Variants in SMARCA2 observed in about 807,000 individuals in gnomAD.
The protein encoded by SMARCA2 is SWI/SNF-related matrix-associated actin-dependent regulator of chromatin subfamily A member 2.
SMARCA2 carries 61 observed loss-of-function variants against 199.8 expected under a neutral mutation model. The observed-to-expected ratio is 0.31, with a 90% CI of 0.25 to 0.38. The LOEUF is 0.38. SMARCA2 is among the 10% of genes least tolerant of loss of function. The pLI is 1.00. For synonymous variants in SMARCA2, 935 were observed against 732.0 expected (o/e 1.28, Z -4.48); for missense variants, 1,344 against 2,012.2 (o/e 0.67, Z 6.35).
intron 10 of SMARCA2, 70 bp downstream of exon 10, chr9:2,070,541 C>A: frequency 9.3e-7 from 1 of 1,072,660 alleles, no homozygotes; most frequent in Non-Finnish European, 1.4e-6. Flanking sequence ...CAGCACCATT[C>A]TTCATGCATA....
chr9:2,068,038 A>C (rs1036337169), intron 9 of SMARCA2, among the ~76,000 whole-genome samples: 6 of 152,168 alleles, frequency 3.9e-5, no homozygotes, highest in Non-Finnish European at 5.9e-5. Flanking sequence ...TTGTTGGCCA[A>C]ATTTGTAGCT....
At chr9:2,175,364 A>G (rs16937844) in intron 29 of SMARCA2, among the ~76,000 whole-genome samples, 11,853 of 149,882 alleles carry the variant, frequency 0.079, 540 homozygotes, top group East Asian at 0.15. Context: ...TCCTGTTTCA[A>G]GCACCTTTGC....
chr9:2,030,300 T>C (rs10114878), intron 2 of SMARCA2, among the ~76,000 whole-genome samples: 46,391 of 151,962 alleles, frequency 0.31, 8,339 homozygotes, highest in African/African-American at 0.49. Context: ...GCAGAACCTG[T>C]GGTATAGTTC....
At chr9:2,052,491 AAAC>A (rs1380260666) in intron 5 of SMARCA2, among the ~76,000 whole-genome samples, 1 of 152,238 alleles carries the variant, frequency 6.6e-6, no homozygotes, top group African/African-American at 2.4e-5. Flanking sequence ...AACAAAGAAA[AAAC>A]AATAACGACA....
chr9:2,104,093 C>T lies in SMARCA2; in HGVS notation c.3216C>T (p.Phe1072=), dbSNP rs770440833. The T allele has an allele frequency of 6.2e-7, 1 of 1,614,116 alleles. No individual in the cohort carries two copies. Among genetic ancestry groups the T allele is most frequent in the South Asian group, 1.1e-5 (1 of 91,074 alleles). The change falls in exon 23 of 34, where the codon TTC becomes TTT. Residue 1072 remains phenylalanine, a synonymous_variant. Transcript: ENST00000349721. This position sits in a 1 kb window ranked among gnomAD's most constrained non-coding sequence, Gnocchi z 4.0. The part of the protein sequence containing the change: ...LRATNHRVLL[F]CQMTSLMTIM... ...CGACTAATCACCGAGTGCTGCTTTT[C>T]TGCCAGATGACATCTCTCATGACCA...
chr9:2,180,177 C>G (rs916096728), intron 29 of SMARCA2, among the ~76,000 whole-genome samples: 13 of 152,074 alleles, frequency 8.5e-5, no homozygotes, highest in African/African-American at 3.1e-4. Flanking sequence ...AAAATGCAGT[C>G]TTCTTAAACC....
In SMARCA2 at chr9:2,017,043, G is replaced by C. The variant is rs1818383182; in HGVS notation, c.-37+1639G>C. ...GCGGAGGGCGGGGCGCGGCAGTGCG[G>C]GCTCCGGCGGACACCCGCGCCTTGG... On this transcript the variant is annotated intron_variant, in intron 1 of 33. Transcript: ENST00000349721. This position sits in a 1 kb window ranked among gnomAD's most constrained non-coding sequence, Gnocchi z 8.8. 6.6e-6 allele frequency: 1 copy of C among 152,222 alleles called. No individual in the cohort carries two copies. The highest frequency in any genetic ancestry group is 2.4e-5 in the African/African-American group (1 of 41,434). 9.4% of individuals were successfully genotyped at this position (152,222 alleles called of 1,614,324 possible). A position where few individuals can be genotyped will look rare whatever the true frequency, so the allele number is the denominator to read the frequency against.
At chr9:2,094,631 T>G (rs529872958) in intron 19 of SMARCA2, among the ~76,000 whole-genome samples, 21 of 152,332 alleles carry the variant, frequency 1.4e-4, no homozygotes, top group African/African-American at 4.8e-4. Context: ...GGATTCTATT[T>G]CAAATCCTAA....
intron 14 of SMARCA2, among the ~76,000 whole-genome samples, chr9:2,081,609 C>G (rs1475311428): frequency 6.6e-6 from 1 of 152,162 alleles, no homozygotes; most frequent in Non-Finnish European, 1.5e-5. Flanking sequence ...TGCTTTAAAA[C>G]TCACCTGTCA....
In SMARCA2 at chr9:2,155,514, C is replaced by T. The variant is rs192733393; in HGVS notation, c.3982-6172C>T. 2.4e-4 allele frequency among the ~76,000 whole-genome samples: 37 copies of T among 152,226 alleles called. No individual in the cohort carries two copies. In the East Asian group the frequency reaches 4.8e-3, roughly 20 times the overall value. Reference sequence around the variant, plus strand: ...GCCAGGCTGGTCTCGAACTCCTGACCTTGTGATCCACCCGCCTTGGCCTCC... The same window carrying T: ...GCCAGGCTGGTCTCGAACTCCTGACTTTGTGATCCACCCGCCTTGGCCTCC... On this transcript the variant is annotated intron_variant, in intron 27 of 33. Coordinates refer to ENST00000349721, the MANE Select transcript of SMARCA2 (RefSeq NM_003070.5).
At position 2,159,728 on chromosome 9, in the gene SMARCA2, C is replaced by A. The variant is rs527582221; in HGVS notation, c.3982-1958C>A. The stretch of plus-strand genomic sequence containing the variant: ...ACAGCAGATTTGAGTATCCACAATC[C>A]TTTCAGTATTAAATTTTCAGTAAAA... On this transcript the variant is annotated intron_variant, in intron 27 of 33. Transcript: ENST00000349721. 4.6e-6 allele frequency: 7 copies of A among 1,510,718 alleles called. No individual in the cohort carries two copies. In the Admixed American group the frequency reaches 1.2e-4, roughly 26 times the overall value. 93.6% of individuals were successfully genotyped at this position (1,510,718 alleles called of 1,614,324 possible).
At position 2,070,439 on chromosome 9, in the gene SMARCA2, G is replaced by A; in HGVS notation, c.1714G>A (p.Gly572Ser). The change falls in exon 10 of 34, where the codon GGT becomes AGT. Residue 572 changes from glycine to serine, a missense_variant. Physicochemically the swap from Gly to Ser is moderately conservative, Grantham distance 56. Around this residue, in one of 18 missense-constraint regions of SMARCA2, gnomAD observed 68 missense variants for 70.4 expected, o/e 0.97. Coordinates refer to ENST00000349721, the MANE Select transcript of SMARCA2 (RefSeq NM_003070.5). ...GCAGAAGGCTGAGGAGAATGCAGAGGGTGGGGAGTCTGCCCTGGGACCGGA... is the reference window on the plus strand; with the variant it reads ...GCAGAAGGCTGAGGAGAATGCAGAGAGTGGGGAGTCTGCCCTGGGACCGGA... ...RKKKAEENAE[G>S]GESALGPDGE... The A allele has an allele frequency of 1.9e-6, 3 of 1,613,944 alleles. No homozygotes were observed. The highest frequency in any genetic ancestry group is 2.2e-5 in the South Asian group (2 of 91,072).
At chr9:2,180,504 C>G (rs1169020496) in intron 29 of SMARCA2, among the ~76,000 whole-genome samples, 1 of 152,172 alleles carries the variant, frequency 6.6e-6, no homozygotes, top group African/African-American at 2.4e-5. Context: ...CTCACAAGCT[C>G]CTAGAATCAC....
chr9:2,097,102 C>T lies in SMARCA2; in HGVS notation c.2992-283C>T, dbSNP rs77997225. 2,837 of 482,062 alleles carry T rather than the reference C, an allele frequency of 5.9e-3. 102 individuals are homozygous for T. In the East Asian group the frequency reaches 0.084, roughly 14 times the overall value. 29.9% of individuals were successfully genotyped at this position (482,062 alleles called of 1,614,324 possible). A position where few individuals can be genotyped will look rare whatever the true frequency, so the allele number is the denominator to read the frequency against. ...GCATCTGTTCTGTGCTTCTGTGTTC[C>T]GGAGTCCTACGGAATAGACAGTCAT... On this transcript the variant is annotated intron_variant, in intron 20 of 33. Coordinates refer to ENST00000349721, the MANE Select transcript of SMARCA2 (RefSeq NM_003070.5).
intron 27 of SMARCA2, among the ~76,000 whole-genome samples, chr9:2,135,057 C>T (rs565165942): frequency 2.0e-5 from 3 of 152,186 alleles, no homozygotes; most frequent in Admixed American, 2.0e-4. Flanking sequence ...CATGAGATGC[C>T]ACCTGCAAGT....
At position 2,142,418 on chromosome 9, in the gene SMARCA2, T is replaced by A. The variant is rs543040976; in HGVS notation, c.3981+18481T>A. Reference sequence around the variant, plus strand: ...GCAGAGGGAACTTCCTTATGCTTGCTTAAACTGGCCTGTTTGGGGATTTGG... The same window carrying A: ...GCAGAGGGAACTTCCTTATGCTTGCATAAACTGGCCTGTTTGGGGATTTGG... On this transcript the variant is annotated intron_variant, in intron 27 of 33. Coordinates refer to ENST00000349721, the MANE Select transcript of SMARCA2 (RefSeq NM_003070.5). 2.0e-5 allele frequency among the ~76,000 whole-genome samples: 3 copies of A among 152,316 alleles called. No homozygotes were observed. The East Asian group carries it at 5.8e-4, about 29-fold the overall frequency.
rs963081405 is a variant in SMARCA2, at chr9:2,169,161, G to A, written c.4200-1258G>A. On this transcript the variant is annotated intron_variant, in intron 28 of 33. Transcript: ENST00000349721. This position sits in a 1 kb window ranked among gnomAD's most constrained non-coding sequence, Gnocchi z 6.5. ...TCCTAATTGTCCCTACAAGACACCC[G>A]TTCACCTGCCTCCTCACCCCCTGTC... Among the ~76,000 whole-genome samples, 4 of 152,068 alleles carry A rather than the reference G, an allele frequency of 2.6e-5. No individual in the cohort carries two copies. The highest frequency in any genetic ancestry group is 4.8e-5 in the African/African-American group (2 of 41,414).
intron 27 of SMARCA2, among the ~76,000 whole-genome samples, chr9:2,136,449 A>G (rs1258665622): frequency 6.6e-6 from 1 of 152,046 alleles, no homozygotes; most frequent in Non-Finnish European, 1.5e-5. Flanking sequence ...CAGCCTCCCA[A>G]AATGCTGGGA....
At chr9:2,054,874 C>G (rs758373162) in intron 6 of SMARCA2, 151 bp downstream of exon 6, 47 of 772,476 alleles carry the variant, frequency 6.1e-5, no homozygotes, top group Non-Finnish European at 8.5e-5. Flanking sequence ...AGACCAACAG[C>G]TTACAACTAA....
Sources: gnomAD v4.1 joint callset for allele counts (sites outside exome capture counted in the v4.1 genomes callset) on GRCh38, gnomAD v4.1.1 for gene constraint, gnomAD v4.1.1 regional missense constraint, Gnocchi (gnomAD v3.1) non-coding constraint, MANE v1.5 for transcripts, NCBI Gene and HGNC (gene_info 2026-07-23, HGNC 2026-07-21) for gene names.